The following NOL4 variants were observed in gnomAD, a reference collection of about 807,000 sequenced individuals.
NOL4 encodes cancer/testis antigen 125.
Under a neutral mutation model 75.9 loss-of-function variants are expected in NOL4, and 17 were observed. The observed-to-expected ratio is 0.22, with a 90% CI of 0.15 to 0.34. NOL4 has a LOEUF of 0.34. Among genes scored for constraint, NOL4 ranks in the 10% least tolerant of loss-of-function variants. The probability of loss-of-function intolerance (pLI) is 1.00; values close to 1 mark genes in which losing one functional copy is unlikely to be tolerated. For missense variants in NOL4, 614 were observed against 793.5 expected, an observed-to-expected ratio of 0.77 and a Z score of 2.72; for synonymous variants, 292 against 289.9, an observed-to-expected ratio of 1.01 and a Z score of -0.07.
At chr18:34,207,366 C>A (rs1031140883) in intron 1 of NOL4, among the ~76,000 whole-genome samples, 1 of 152,144 alleles carries the variant, frequency 6.6e-6, no homozygotes, top group African/African-American at 2.4e-5. Context: ...CAGTAAATCC[C>A]ATTAGACTGA....
intron 5 of NOL4, among the ~76,000 whole-genome samples, chr18:34,062,065 G>A (rs1198817346): frequency 6.6e-6 from 1 of 152,046 alleles, no homozygotes; most frequent in East Asian, 1.9e-4. Flanking sequence ...GTAAAGATAA[G>A]ACTTGGCAAG....
At chr18:34,130,132 T>C (rs909683742) in intron 1 of NOL4, 112 bp from the exon 2 acceptor site, 73 of 1,001,772 alleles carry the variant, frequency 7.3e-5, no homozygotes, top group Non-Finnish European at 7.1e-5. Context: ...AAATCATCTA[T>C]ATAGGAAACG....
Position 34,104,177 on chromosome 18 carries a change from T to A in NOL4, c.527-18A>T. ...TCCATTATCTGTAATAAAACATTTT[T>A]AATGGGTAATGAAAGTAATACTGCA... On this transcript the variant is annotated intron_variant, in intron 3 of 10. Coordinates refer to ENST00000261592, the MANE Select transcript of NOL4 (RefSeq NM_003787.5). The A allele has an allele frequency of 7.1e-7, 1 of 1,415,308 alleles. No homozygotes were observed. Among genetic ancestry groups the A allele is most frequent in the Non-Finnish European group, 1.0e-6 (1 of 1,000,012 alleles). 87.7% of individuals were successfully genotyped at this position (1,415,308 alleles called of 1,614,324 possible).
rs1480096630 is a variant in NOL4, at chr18:34,089,920, T to C, written c.772+3545A>G. On this transcript the variant is annotated intron_variant, in intron 5 of 10. Coordinates refer to ENST00000261592, the MANE Select transcript of NOL4 (RefSeq NM_003787.5). ...TATGAGGTAGGTCCCATGCCTTTTT[T>C]TTTCTTACTGTGATACACACACACA... Among the ~76,000 whole-genome samples the C allele has an allele frequency of 2.0e-5, 3 of 152,168 alleles. No homozygotes were observed. In the East Asian group the frequency reaches 5.8e-4, roughly 29 times the overall value.
intron 6 of NOL4, among the ~76,000 whole-genome samples, chr18:33,968,268 A>G (rs1297741944): frequency 1.3e-5 from 2 of 152,132 alleles, no homozygotes; most frequent in Admixed American, 6.5e-5. Context: ...TGACCCAGTA[A>G]TCCCATTACT....
At chr18:34,136,235 TATTTA>T (rs1397744086) in intron 1 of NOL4, among the ~76,000 whole-genome samples, 3 of 152,136 alleles carry the variant, frequency 2.0e-5, no homozygotes, top group Non-Finnish European at 4.4e-5. Flanking sequence ...ACTAACATCT[TATTTA>T]ATTGTGAGAG....
intron 9 of NOL4, among the ~76,000 whole-genome samples, chr18:33,920,222 G>C (rs1162599060): frequency 5.9e-5 from 9 of 151,650 alleles, no homozygotes; most frequent in Non-Finnish European, 5.9e-5. Context: ...AGGAGAGAGA[G>C]GTCTATTACA....
intron 2 of NOL4, among the ~76,000 whole-genome samples, chr18:34,112,370 C>G (rs188138595): frequency 6.7e-6 from 1 of 149,352 alleles, no homozygotes; most frequent in African/African-American, 2.5e-5. Context: ...CTGTCCCCCC[C>G]CAAAAAAAAA....
intron 4 of NOL4, among the ~76,000 whole-genome samples, chr18:34,102,366 T>A (rs1229258215): frequency 6.6e-6 from 1 of 152,068 alleles, no homozygotes; most frequent in African/African-American, 2.4e-5. Flanking sequence ...ATATAATTTG[T>A]TAGACAGGAA....
intron 9 of NOL4, among the ~76,000 whole-genome samples, chr18:33,900,057 C>T (rs2065656443): frequency 1.3e-5 from 2 of 152,060 alleles, no homozygotes; most frequent in East Asian, 3.9e-4. Flanking sequence ...CCATTTTGCA[C>T]TGCTATAAAG....
chr18:34,042,814 C>T (rs562445138), intron 5 of NOL4, among the ~76,000 whole-genome samples: 218 of 152,086 alleles, frequency 1.4e-3, no homozygotes, highest in Non-Finnish European at 2.6e-3. Flanking sequence ...TCCTTTCTGT[C>T]AGTACTACAT....
At chr18:33,992,402 G>A (rs2072985648) in intron 6 of NOL4, among the ~76,000 whole-genome samples, 1 of 151,908 alleles carries the variant, frequency 6.6e-6, no homozygotes, top group Non-Finnish European at 1.5e-5. Context: ...CCATACCTCA[G>A]CAAAATTGGT....
chr18:34,111,638 C>T (rs1600630314), intron 2 of NOL4, among the ~76,000 whole-genome samples: 1 of 152,046 alleles, frequency 6.6e-6, no homozygotes, highest in East Asian at 1.9e-4. Flanking sequence ...TAGATTATTT[C>T]ATTATAGCAG....
At chr18:33,853,396 C>T (rs1599627223) in intron 10 of NOL4, among the ~76,000 whole-genome samples, 1 of 152,138 alleles carries the variant, frequency 6.6e-6, no homozygotes, top group Non-Finnish European at 1.5e-5. Flanking sequence ...GAATTACAAA[C>T]ATTTTTCATT....
intron 1 of NOL4, among the ~76,000 whole-genome samples, chr18:34,175,402 T>C (rs1426845775): frequency 6.6e-6 from 1 of 152,076 alleles, no homozygotes; most frequent in African/African-American, 2.4e-5. Context: ...TTGAATCAAA[T>C]AGTAAACTAA....
intron 10 of NOL4, among the ~76,000 whole-genome samples, chr18:33,862,748 A>T (rs1300772379): frequency 6.6e-6 from 1 of 152,186 alleles, no homozygotes; most frequent in South Asian, 2.1e-4. Flanking sequence ...TTAGAATGGC[A>T]ATCATTAAAA....
intron 2 of NOL4, among the ~76,000 whole-genome samples, chr18:34,124,138 T>C (rs2080277983): frequency 6.6e-6 from 1 of 152,196 alleles, no homozygotes; most frequent in Admixed American, 6.5e-5. Context: ...TATATTTGTC[T>C]GTTGTGTTAT....
chr18:34,141,820 A>G (rs1308647022), intron 1 of NOL4, among the ~76,000 whole-genome samples: 1 of 152,176 alleles, frequency 6.6e-6, no homozygotes, highest in Non-Finnish European at 1.5e-5. Context: ...AACAAAAGCC[A>G]GAATTGACAA....
At chr18:33,856,379 T>A (rs1567961642) in intron 10 of NOL4, among the ~76,000 whole-genome samples, 1 of 152,124 alleles carries the variant, frequency 6.6e-6, no homozygotes, top group Non-Finnish European at 1.5e-5. Context: ...AAAAGTCATA[T>A]AAAATTATAA....
Sources: allele counts gnomAD v4.1 joint callset (sites outside exome capture counted in the v4.1 genomes callset), GRCh38; gene constraint gnomAD v4.1.1; transcripts MANE v1.5; gene names NCBI Gene and HGNC (gene_info 2026-07-23, HGNC 2026-07-21).